Variants in C13orf42 observed in about 807,000 individuals in gnomAD.
C13orf42 encodes chromosome 13 open reading frame 42, also known as uncharacterized protein C13orf42.
At chr13:51,095,637 C>T (rs1288331590) in intron 1 of C13orf42, among the ~76,000 whole-genome samples, 1 of 151,978 alleles carries the variant, frequency 6.6e-6, no homozygotes, top group African/African-American at 2.4e-5. Context: ...ATCAAGTCTA[C>T]TGATGAGCCC....
chr13:51,084,389 A>T (rs1593525487), intron 3 of C13orf42, 64 bp from the exon 4 acceptor site: 1 of 397,902 alleles, frequency 2.5e-6, no homozygotes, highest in Admixed American at 4.4e-5. Flanking sequence ...GAGGGAAGGG[A>T]TGCTCAATGA....
At chr13:51,123,091 C>G (rs1389059531) in intron 1 of C13orf42, among the ~76,000 whole-genome samples, 1 of 152,168 alleles carries the variant, frequency 6.6e-6, no homozygotes, top group Admixed American at 6.5e-5. Flanking sequence ...CAAAACCACA[C>G]GTGGTGAATG....
At position 51,110,973 on chromosome 13, in the gene C13orf42, A is replaced by G. The variant is rs915578285; in HGVS notation, c.237T>C (p.Tyr79=). 1.7e-4 allele frequency: 68 copies of G among 398,658 alleles called. No homozygotes were observed. The highest frequency in any genetic ancestry group is 1.1e-3 in the Admixed American group (25 of 22,740). 24.7% of individuals were successfully genotyped at this position (398,658 alleles called of 1,614,324 possible). A position where few individuals can be genotyped will look rare whatever the true frequency, so the allele number is the denominator to read the frequency against. ...ACTGCAGGCAGTCCTGGGTGCGCGAATACATCCACGCCCGGTCCTCCTCCT... is the reference window on the plus strand; with the variant it reads ...ACTGCAGGCAGTCCTGGGTGCGCGAGTACATCCACGCCCGGTCCTCCTCCT... The part of the protein sequence containing the change: ...LRQEEDRAWM[Y]SRTQDCLQYL... The change falls in exon 1 of 4, where the codon TAT becomes TAC. Residue 79 remains tyrosine, a synonymous_variant. Coordinates refer to ENST00000563710, the MANE Select transcript of C13orf42 (RefSeq NM_001351589.3).
At chr13:51,087,662 A>G (rs1953142690) in intron 2 of C13orf42, among the ~76,000 whole-genome samples, 1 of 152,218 alleles carries the variant, frequency 6.6e-6, no homozygotes, top group African/African-American at 2.4e-5. Context: ...ACCACAGGGA[A>G]AACATTGTCC....
At position 51,111,178 on chromosome 13, in the gene C13orf42, G is replaced by T; in HGVS notation, c.32C>A (p.Ser11Tyr). Residue 11 changes from serine (S) to tyrosine (Y), a missense_variant, in exon 1 of 4, where the codon TCC becomes TAC. Transcript: ENST00000563710. MFRKIHSIFN[S>Y]SPQRKTAAES... The stretch of plus-strand genomic sequence containing the variant: ...GGCCGCCGTCTTTCTCTGTGGGCTG[G>T]AGTTAAAGATGGAGTGGATCTTTCT... 2 of 398,654 alleles carry T rather than the reference G, an allele frequency of 5.0e-6. No individual in the cohort carries two copies. Among genetic ancestry groups the T allele is most frequent in the Non-Finnish European group, 8.8e-6 (2 of 226,092 alleles). The allele number at this position is 398,654 out of a possible 1,614,324, so 24.7% of individuals were successfully genotyped here. A position where few individuals can be genotyped will look rare whatever the true frequency, so the allele number is the denominator to read the frequency against.
intron 1 of C13orf42, among the ~76,000 whole-genome samples, chr13:51,094,870 ATGTGT>A (rs1953216381): frequency 6.6e-6 from 1 of 151,944 alleles, no homozygotes; most frequent in Non-Finnish European, 1.5e-5. Context: ...CATAATTCCC[ATGTGT>A]TATGGGAAGG....
In C13orf42 at chr13:51,132,213, C is replaced by T. The variant is rs56413162; in HGVS notation, n.137-18991G>A. Among the ~76,000 whole-genome samples, 1,490 of 152,214 alleles carry T rather than the reference C, an allele frequency of 9.8e-3. 32 individuals carry two copies. The highest frequency in any genetic ancestry group is 0.033 in the African/African-American group (1,391 of 41,524). The stretch of plus-strand genomic sequence containing the variant: ...ATCCCAGCACTTTGGGAGGCCGAGG[C>T]GGGCAGATCACAAGGTCAGGAGATC... On this transcript the variant is annotated intron_variant and non_coding_transcript_variant, in intron 1 of 4. Transcript: ENST00000433280.
chr13:51,098,779 G>A (rs1221559976), intron 1 of C13orf42, among the ~76,000 whole-genome samples: 1 of 151,838 alleles, frequency 6.6e-6, no homozygotes, highest in Non-Finnish European at 1.5e-5. Flanking sequence ...CAAGCTATGG[G>A]CTGCATTAGG....
rs1226831630 is a variant in C13orf42, at chr13:51,110,907, G to A, written c.303C>T (p.Ser101=). 7.5e-6 allele frequency: 3 copies of A among 398,584 alleles called. No individual in the cohort carries two copies. The highest frequency in any genetic ancestry group is 4.4e-5 in the Admixed American group (1 of 22,724). The allele number at this position is 398,584 out of a possible 1,614,324, so 24.7% of individuals were successfully genotyped here. A position where few individuals can be genotyped will look rare whatever the true frequency, so the allele number is the denominator to read the frequency against. The part of the protein sequence containing the change: ...ELLALRKKYL[S]SFSDLKPHRT... ...GGTGGGGCTTCAGATCACTGAAGCT[G>A]CTGAGATATTTTTTGCGCAAGGCCA... The change falls in exon 1 of 4, where the codon AGC becomes AGT. Residue 101 remains serine (S), a synonymous_variant. Coordinates refer to ENST00000563710, the MANE Select transcript of C13orf42 (RefSeq NM_001351589.3).
chr13:51,147,727 T>TCAAAAACAAACAAA (rs142511912), intron 1 of C13orf42, among the ~76,000 whole-genome samples: 4,955 of 149,850 alleles, frequency 0.033, 242 homozygotes, highest in African/African-American at 0.11. Context: ...AGACTGTGTC[T>TCAAAAACAAACAAA]CAAAAAAAAA....
intron 1 of C13orf42, among the ~76,000 whole-genome samples, chr13:51,168,880 CCTT>C (rs199722776): frequency 2.0e-5 from 3 of 147,936 alleles, no homozygotes; most frequent in African/African-American, 7.4e-5. Context: ...CTCTCTTCCT[CCTT>C]CTCTCGCCAT....
intron 1 of C13orf42, among the ~76,000 whole-genome samples, chr13:51,145,788 C>A (rs574847295): frequency 1.4e-3 from 217 of 152,304 alleles, no homozygotes; most frequent in African/African-American, 4.9e-3. Flanking sequence ...AGTCTTCCTG[C>A]CTTTGCTTCA....
At position 51,088,183 on chromosome 13, in the gene C13orf42, G is replaced by C. The variant is rs534439408; in HGVS notation, c.415-108C>G. 1.2e-4 allele frequency: 49 copies of C among 395,670 alleles called. 1 individual carries two copies. The highest frequency in any genetic ancestry group is 9.7e-4 in the African/African-American group (47 of 48,694). 24.5% of individuals were successfully genotyped at this position (395,670 alleles called of 1,614,324 possible). A position where few individuals can be genotyped will look rare whatever the true frequency, so the allele number is the denominator to read the frequency against. The stretch of plus-strand genomic sequence containing the variant: ...GAAATGCGCGTGGGGTTAGGGATTT[G>C]TGAGGTTTCAAAGGTAACTATGAAT... On this transcript the variant is annotated intron_variant, in intron 1 of 3. Transcript: ENST00000563710.
intron 1 of C13orf42, among the ~76,000 whole-genome samples, chr13:51,154,707 C>T (rs545646875): frequency 8.5e-5 from 13 of 152,326 alleles, no homozygotes; most frequent in South Asian, 4.1e-4. Flanking sequence ...ATTATTTCTT[C>T]CAATGCATAT....
chr13:51,118,561 C>T (rs999575204), intron 1 of C13orf42, among the ~76,000 whole-genome samples: 9 of 152,308 alleles, frequency 5.9e-5, no homozygotes, highest in African/African-American at 2.2e-4. Flanking sequence ...TGAAGCTGCC[C>T]TGATGGGGGG....
intron 2 of C13orf42, among the ~76,000 whole-genome samples, chr13:51,087,308 G>C (rs1353622323): frequency 1.3e-5 from 2 of 152,150 alleles, no homozygotes; most frequent in Admixed American, 1.3e-4. Context: ...AGCCACCGTG[G>C]GCCTCTCCTG....
intron 1 of C13orf42, among the ~76,000 whole-genome samples, chr13:51,091,443 T>C (rs966375616): frequency 1.3e-5 from 2 of 152,180 alleles, no homozygotes; most frequent in Non-Finnish European, 2.9e-5. Context: ...CAAATGTAAG[T>C]GAATAAACAA....
chr13:51,113,322 A>G (rs1253459428), upstream of C13orf42: 1 of 152,140 alleles, frequency 6.6e-6, no homozygotes, highest in Non-Finnish European at 1.5e-5. Context: ...ATGACCCAGC[A>G]GCTGACTGCT....
chr13:51,114,006 C>G (rs377035741), upstream of C13orf42, among the ~76,000 whole-genome samples: 1 of 152,338 alleles, frequency 6.6e-6, no homozygotes, highest in East Asian at 1.9e-4. Flanking sequence ...ACAAAACTTG[C>G]TTTATTCCAG....
Sources: gnomAD v4.1 joint callset for allele counts (sites outside exome capture counted in the v4.1 genomes callset) on GRCh38, gnomAD v4.1.1 for gene constraint, MANE v1.5 for transcripts, NCBI Gene and HGNC (gene_info 2026-07-23, HGNC 2026-07-21) for gene names.